Variants in AKR1B10 observed in about 807,000 individuals in gnomAD.
AKR1B10 encodes aldo-keto reductase family 1 member B10, also known as ARP.
A neutral mutation model predicts 38.9 loss-of-function variants in AKR1B10; 39 were observed. The observed-to-expected ratio is 1.00, with a 90% CI of 0.78 to 1.31. The LOEUF (loss-of-function observed/expected upper bound fraction) is 1.31, where lower values mean the gene tolerates loss of function less well. Among genes scored for constraint, AKR1B10 ranks in the 50% most tolerant of loss-of-function variants. AKR1B10 has a pLI of 0.00. For missense variants in AKR1B10, 361 were observed against 382.6 expected (o/e 0.94, Z 0.47); for synonymous variants, 148 against 141.2 (o/e 1.05, Z -0.34).
Position 134,527,751 on chromosome 7 carries a change from C to G in AKR1B10, c.-161C>G, listed in dbSNP as rs756819814. ...ATCCCAGCTACTCGGGAGGCTGAGG[C>G]AGGAGAATTGCTTGAACCCAGGAGA... On this transcript the variant is annotated 5_prime_UTR_variant, in exon 1 of 10. Transcript: ENST00000359579. 1.6e-4 allele frequency: 152 copies of G among 937,690 alleles called. 1 individual carries two copies. The highest frequency in any genetic ancestry group is 1.8e-4 in the Non-Finnish European group (118 of 650,086). 58.1% of individuals were successfully genotyped at this position (937,690 alleles called of 1,614,324 possible).
At chr7:134,531,668 T>C (rs1354083442) in intron 2 of AKR1B10, among the ~76,000 whole-genome samples, 23 of 152,180 alleles carry the variant, frequency 1.5e-4, no homozygotes, top group Non-Finnish European at 3.1e-4. Context: ...TTCAATGATC[T>C]GAGACACGTA....
intron 1 of AKR1B10, among the ~76,000 whole-genome samples, chr7:134,530,312 G>C (rs1271191476): frequency 1.3e-5 from 2 of 152,178 alleles, no homozygotes; most frequent in Non-Finnish European, 2.9e-5. Context: ...TTTTAGCTAG[G>C]ATAGGACATA....
In AKR1B10 at chr7:134,527,720, C is replaced by CCGTTA; in HGVS notation, c.-191_-190insGTTAC. Reference sequence around the variant, plus strand: ...AATTAGCTGGGAGTCACGGTGGGCGCCTGTAATCCCAGCTACTCGGGAGGC... The same window carrying CCGTTA: ...AATTAGCTGGGAGTCACGGTGGGCGCCGTTACTGTAATCCCAGCTACTCGGGAGGC... On this transcript the variant is annotated 5_prime_UTR_variant, in exon 1 of 10. Coordinates refer to ENST00000359579, the MANE Select transcript of AKR1B10 (RefSeq NM_020299.5). 1.9e-6 allele frequency: 1 copy of CCGTTA among 528,290 alleles called. No individual in the cohort carries two copies. The highest frequency in any genetic ancestry group is 3.2e-6 in the Non-Finnish European group (1 of 310,344). The allele number at this position is 528,290 out of a possible 1,614,324, so 32.7% of individuals were successfully genotyped here. A position where few individuals can be genotyped will look rare whatever the true frequency, so the allele number is the denominator to read the frequency against.
chr7:134,531,711 C>CT (rs1487709792), intron 2 of AKR1B10, among the ~76,000 whole-genome samples, 197 bp from the exon 3 acceptor site: 1 of 152,164 alleles, frequency 6.6e-6, no homozygotes, highest in East Asian at 1.9e-4. Flanking sequence ...AAGTCAATTG[C>CT]TTTTAACACT....
intron 1 of AKR1B10, 32 bp from the exon 2 acceptor site, chr7:134,530,611 C>T (rs1306724574): frequency 6.2e-7 from 1 of 1,612,232 alleles, no homozygotes; most frequent in South Asian, 1.1e-5. Flanking sequence ...AAAAAAAACA[C>T]ATATGTGATG....
Position 134,530,608 on chromosome 7 carries a change from A to C in AKR1B10, c.67-35A>C, listed in dbSNP as rs145181374. The stretch of plus-strand genomic sequence containing the variant: ...GGCAGGGCCCCATCTCTTAAAAAAA[A>C]CACATATGTGATGAGCTTTTCTTTT... On this transcript the variant is annotated intron_variant, in intron 1 of 9. Transcript: ENST00000359579. The C allele has an allele frequency of 1.3e-4, 207 of 1,611,674 alleles. 1 individual carries two copies. The African/African-American group carries it at 2.2e-3, about 17-fold the overall frequency.
chr7:134,530,657 A>G lies in AKR1B10; in HGVS notation c.81A>G (p.Lys27=), dbSNP rs775799374. ...TTGCCTTTCAGTCTCCTCTTGGCAA[A>G]GTGAAAGAAGCAGTGAAGGTGGCCA... ...GLGTWKSPLG[K]VKEAVKVAID... is the part of the protein sequence containing the mutation. The change falls in exon 2 of 10, where the codon AAA becomes AAG. Residue 27 remains lysine (K), a synonymous_variant. Transcript: ENST00000359579. The G allele has an allele frequency of 1.9e-6, 3 of 1,613,928 alleles. No homozygotes were observed. In the African/African-American group the frequency reaches 4.0e-5, roughly 22 times the overall value.
At position 134,541,361 on chromosome 7, in the gene AKR1B10, T is replaced by G; in HGVS notation, c.*272T>G. On this transcript the variant is annotated 3_prime_UTR_variant, in exon 10 of 10. Transcript: ENST00000359579. ...AATGTTTATTAAGCATCAGAAACTC[T>G]GCCAACACTGAGGATGTAAAGATCA... The G allele has an allele frequency of 2.7e-6, 1 of 366,612 alleles. No homozygotes were observed. 22.7% of individuals were successfully genotyped at this position (366,612 alleles called of 1,614,324 possible).
intron 1 of AKR1B10, among the ~76,000 whole-genome samples, chr7:134,529,078 A>G (rs1467618692): frequency 6.6e-6 from 1 of 152,126 alleles, no homozygotes; most frequent in East Asian, 1.9e-4. Flanking sequence ...TACCCTAACT[A>G]GTGATGAGAA....
rs1216482063 is a variant in AKR1B10 at position 134,534,057 on chromosome 7, A to T, written c.429+976A>T. The stretch of plus-strand genomic sequence containing the variant: ...TTCTGAAATGCTTATAATTGACATG[A>T]TTCAATGAAATGTAGCTTTTTCTGT... On this transcript the variant is annotated intron_variant, in intron 4 of 9. Transcript: ENST00000359579. Among the ~76,000 whole-genome samples the T allele has an allele frequency of 5.9e-5, 9 of 152,182 alleles. No individual in the cohort carries two copies. In the South Asian group the frequency reaches 1.9e-3, roughly 31 times the overall value.
At chr7:134,535,555 A>G (rs890390212) in intron 4 of AKR1B10, 7 of 940,796 alleles carry the variant, frequency 7.4e-6, no homozygotes, top group Non-Finnish European at 8.8e-6. Flanking sequence ...TTCCTGTGTC[A>G]TATGCTCATG....
In AKR1B10 at chr7:134,529,047, C is replaced by T. The variant is rs1585749554; in HGVS notation, c.66+1070C>T. 2.0e-5 allele frequency among the ~76,000 whole-genome samples: 3 copies of T among 152,246 alleles called. No individual in the cohort carries two copies. The South Asian group carries it at 6.2e-4, about 32-fold the overall frequency. On this transcript the variant is annotated intron_variant, in intron 1 of 9. Transcript: ENST00000359579. The stretch of plus-strand genomic sequence containing the variant: ...CACCACCTCCCTCTGCCTTCTTTGC[C>T]ATTTCCATCCATGATAGCACTACCC...
At position 134,541,300 on chromosome 7, in the gene AKR1B10, G is replaced by A. The variant is rs960778582; in HGVS notation, c.*211G>A. ...CACAGAAAAGCATGGCTTGAATAAG[G>A]AAATGACAATTTTTTCCACTTATCT... is the stretch of plus-strand genomic sequence containing the variant. On this transcript the variant is annotated 3_prime_UTR_variant, in exon 10 of 10. Transcript: ENST00000359579. 22 of 497,946 alleles carry A rather than the reference G, an allele frequency of 4.4e-5. No homozygotes were observed. Among genetic ancestry groups the A allele is most frequent in the Admixed American group, 3.6e-4 (9 of 25,294 alleles). 30.8% of individuals were successfully genotyped at this position (497,946 alleles called of 1,614,324 possible). A position where few individuals can be genotyped will look rare whatever the true frequency, so the allele number is the denominator to read the frequency against.
chr7:134,536,613 T>G, intron 4 of AKR1B10, 37 bp from the exon 5 acceptor site: 1 of 1,611,766 alleles, frequency 6.2e-7, no homozygotes, highest in Middle Eastern at 1.7e-4. Context: ...CTGTAGTCCC[T>G]CTAGAGCTGC....
chr7:134,530,680 C>T lies in AKR1B10; in HGVS notation c.104C>T (p.Ala35Val). ...AAAGTGAAAGAAGCAGTGAAGGTGGCCATTGATGCAGGATATCGGCACATT... is the reference window on the plus strand; with the variant it reads ...AAAGTGAAAGAAGCAGTGAAGGTGGTCATTGATGCAGGATATCGGCACATT... ...LGKVKEAVKV[A>V]IDAGYRHIDC... is the part of the protein sequence containing the mutation. The change falls in exon 2 of 10, where the codon GCC becomes GTC. Residue 35 changes from alanine (A) to valine (V), a missense_variant. Physicochemically the swap from Ala to Val is moderately conservative, Grantham distance 64 (BLOSUM62 0). Transcript: ENST00000359579. 6.2e-7 allele frequency: 1 copy of T among 1,613,996 alleles called. No individual in the cohort carries two copies. The highest frequency in any genetic ancestry group is 1.1e-5 in the South Asian group (1 of 91,080).
chr7:134,532,087 A>T, intron 3 of AKR1B10, 63 bp downstream of exon 3: 1 of 1,592,524 alleles, frequency 6.3e-7, no homozygotes, highest in Non-Finnish European at 8.6e-7. Flanking sequence ...TAGTAGCTGC[A>T]CCAGGGCTGT....
chr7:134,535,585 C>CTTTTTTTTTTT lies in AKR1B10; in HGVS notation c.430-1052_430-1042dup, dbSNP rs58628862. 277 of 410,596 alleles carry CTTTTTTTTTTT rather than the reference C, an allele frequency of 6.7e-4. 1 individual carries two copies. Among genetic ancestry groups the CTTTTTTTTTTT allele is most frequent in the East Asian group, 2.7e-3 (12 of 4,494 alleles). The allele number at this position is 410,596 out of a possible 1,614,324, so 25.4% of individuals were successfully genotyped here. A position where few individuals can be genotyped will look rare whatever the true frequency, so the allele number is the denominator to read the frequency against. On this transcript the variant is annotated intron_variant, in intron 4 of 9. Coordinates refer to ENST00000359579, the MANE Select transcript of AKR1B10 (RefSeq NM_020299.5). ...CTCATGTTTTTTCCCTCTTTTCTGTCTTTTTTTTTTTTTTTTTTTTTTTCT... is the reference window on the plus strand; with the variant it reads ...CTCATGTTTTTTCCCTCTTTTCTGTCTTTTTTTTTTTTTTTTTTTTTTTTTTTTTTTTTTCT...
chr7:134,535,859 C>T (rs956731388), intron 4 of AKR1B10, among the ~76,000 whole-genome samples: 9 of 152,194 alleles, frequency 5.9e-5, no homozygotes, highest in Non-Finnish European at 8.8e-5. Context: ...GGATCTGGAA[C>T]ATGTAATAGA....
intron 3 of AKR1B10, among the ~76,000 whole-genome samples, chr7:134,532,571 G>A (rs1807890070): frequency 1.3e-5 from 2 of 152,116 alleles, no homozygotes; most frequent in Admixed American, 6.5e-5. Flanking sequence ...CTGACCAACT[G>A]GAGTGATGAT....
Sources: allele counts gnomAD v4.1 joint callset (sites outside exome capture counted in the v4.1 genomes callset), GRCh38; gene constraint gnomAD v4.1.1; transcripts MANE v1.5; gene names NCBI Gene and HGNC (gene_info 2026-07-23, HGNC 2026-07-21).